The following GABRE variants were observed in gnomAD, a reference collection of about 807,000 sequenced individuals.
The protein encoded by GABRE is gamma-aminobutyric acid type A receptor subunit epsilon, also known as gamma-aminobutyric acid receptor subunit epsilon.
In GABRE, 20 loss-of-function variants were observed where a neutral mutation model predicts 31.0. That is an observed-to-expected ratio of 0.64 (90% CI 0.45 to 0.94). The LOEUF is 0.94. Ranked by LOEUF, GABRE falls within the 40% of genes least tolerant of loss-of-function variation. The pLI is 0.00. For synonymous variants in GABRE, 155 were observed against 150.6 expected, an observed-to-expected ratio of 1.03 and a Z score of -0.21; for missense variants, 420 against 410.7, an observed-to-expected ratio of 1.02 and a Z score of -0.20.
intron 6 of GABRE, chrX:151,957,283 C>T (rs1377390282): frequency 4.1e-6 from 1 of 241,966 alleles, no homozygotes; most frequent in Non-Finnish European, 7.7e-6. Context: ...TCGTACTCAC[C>T]TTGGCAGCAC....
intron 1 of GABRE, 61 bp downstream of exon 1, chrX:151,974,509 C>T: frequency 1.2e-6 from 1 of 858,954 alleles, no homozygotes; most frequent in Non-Finnish European, 1.6e-6. Flanking sequence ...GGAGCCGTCC[C>T]GGCTCCCGGG....
At chrX:151,969,571 T>C in intron 3 of GABRE, 98 bp downstream of exon 3, 3 of 801,582 alleles carry the variant, frequency 3.7e-6, no homozygotes, top group South Asian at 5.2e-5. Flanking sequence ...ATTATTGGAG[T>C]TGTTACAGAA....
At chrX:151,958,039 C>A (rs891006056) in intron 6 of GABRE, 3 of 120,846 alleles carry the variant, frequency 2.5e-5, no homozygotes, top group African/African-American at 6.4e-5. Context: ...CTAATGTAAC[C>A]TGGACAGTTC....
Position 151,973,016 on chromosome X carries a change from G to A in GABRE, c.56+1554C>T, listed in dbSNP as rs183077011. On this transcript the variant is annotated intron_variant, in intron 1 of 8. Coordinates refer to ENST00000370328, the MANE Select transcript of GABRE (RefSeq NM_004961.4). ...TGTGAGAAGTGGGGGGGGGAGGGGC[G>A]CATAAGAAAAGATGTTGGATTTTTT... Among the ~76,000 whole-genome samples the A allele has an allele frequency of 1.4e-3, 141 of 100,956 alleles. 1 individual carries two copies. Among genetic ancestry groups the A allele is most frequent in the Admixed American group, 6.8e-3 (62 of 9,057 alleles). 87.7% of individuals were successfully genotyped at this position (100,956 alleles called of 115,157 possible). A position where few individuals can be genotyped will look rare whatever the true frequency, so the allele number is the denominator to read the frequency against.
At chrX:151,961,508 C>A in intron 4 of GABRE, 143 bp from the exon 5 acceptor site, 1 of 448,718 alleles carries the variant, frequency 2.2e-6, no homozygotes, top group Admixed American at 3.9e-5. Context: ...CTCTGTCACC[C>A]AGGCTGGAGG....
Position 151,961,303 on chromosome X carries a change from C to A in GABRE, c.626G>T (p.Cys209Phe), listed in dbSNP as rs199709734. The A allele has an allele frequency of 2.0e-5, 24 of 1,204,356 alleles. No individual in the cohort carries two copies. In the East Asian group the frequency reaches 6.5e-4, roughly 33 times the overall value. ...CTCACAGCTAGAGAAAGATAGAGGG[C>A]AAGAGTGAGAATCCATTGGAAATCT... ...MLRFPMDSHS[C>F]PLSFSSFSYP... The change falls in exon 5 of 9, where the codon TGC becomes TTC. Residue 209 changes from cysteine to phenylalanine, a missense_variant. Physicochemically the swap from Cys to Phe is radical, Grantham distance 205. Coordinates refer to ENST00000370328, the MANE Select transcript of GABRE (RefSeq NM_004961.4).
rs369647109 is a variant in GABRE, at chrX:151,974,653, C to G, written c.-28G>C. ...CCGCGGAGACCGGCGCGACCACCTG[C>G]GCGGAGGTCGCGGCTCACGCTCTGG... On this transcript the variant is annotated 5_prime_UTR_variant, in exon 1 of 9. Transcript: ENST00000370328. The G allele has an allele frequency of 5.5e-6, 6 of 1,098,305 alleles. No individual in the cohort carries two copies. In the African/African-American group the frequency reaches 7.4e-5, roughly 14 times the overall value. 90.5% of individuals were successfully genotyped at this position (1,098,305 alleles called of 1,213,427 possible). A position where few individuals can be genotyped will look rare whatever the true frequency, so the allele number is the denominator to read the frequency against.
chrX:151,961,837 C>T (rs995097508), intron 4 of GABRE, among the ~76,000 whole-genome samples: 1 of 111,435 alleles, frequency 9.0e-6, no homozygotes, highest in African/African-American at 3.3e-5. Flanking sequence ...CAAAACAAAA[C>T]AAAACAAAAC....
intron 4 of GABRE, among the ~76,000 whole-genome samples, chrX:151,961,680 G>A (rs149995496): frequency 0.014 from 1,555 of 111,072 alleles, 31 homozygotes; most frequent in African/African-American, 0.048. Flanking sequence ...GGCTGGTCTC[G>A]AACTCCTGAC....
intron 1 of GABRE, chrX:151,972,408 G>A (rs757483642): frequency 1.2e-5 from 9 of 751,755 alleles, no homozygotes; most frequent in Admixed American, 8.9e-5. Flanking sequence ...GAGGAAAAAT[G>A]GAGCCCTGAG....
rs766386512 is a variant in GABRE, at chrX:151,955,719, C to T, written c.926G>A (p.Arg309Gln). 10 of 1,210,232 alleles carry T rather than the reference C, an allele frequency of 8.3e-6. No homozygotes were observed. The highest frequency in any genetic ancestry group is 3.0e-5 in the East Asian group (1 of 33,744). ...GTTTCTCCTCTTACCTAGAGAGGTCCGGGCTGGAGCAGACTCTGTCTTGAT... is the reference window on the plus strand; with the variant it reads ...GTTTCTCCTCTTACCTAGAGAGGTCTGGGCTGGAGCAGACTCTGTCTTGAT... ...FWIKTESAPARTSLGITSVLT... is the reference protein window; with the variant it reads ...FWIKTESAPAQTSLGITSVLT... Residue 309 changes from arginine to glutamine, a missense_variant, in exon 7 of 9, where the codon CGG (arginine) becomes CAG (glutamine). Physicochemically the swap from Arg to Gln is conservative, Grantham distance 43. Transcript: ENST00000370328.
chrX:151,967,130 G>A (rs778913128), intron 3 of GABRE, among the ~76,000 whole-genome samples: 4 of 111,580 alleles, frequency 3.6e-5, no homozygotes, highest in South Asian at 7.6e-4. Context: ...GCATCTTGGC[G>A]CCCCCTGCTC....
chrX:151,955,746 C>T lies in GABRE; in HGVS notation c.899G>A (p.Trp300Ter). ...VTTMLSWVSF[W>*]IKTESAPART... ...GGCTGGAGCAGACTCTGTCTTGATC[C>T]AAAAGGAAACCCAGGAGAGCATCGT... Residue 300 changes from tryptophan (W) to a stop codon, truncating the protein, a stop_gained, in exon 7 of 9, where the codon TGG becomes TAG. Transcript: ENST00000370328. LOFTEE classifies it high-confidence loss of function. The T allele has an allele frequency of 5.8e-6, 7 of 1,211,880 alleles. No individual in the cohort carries two copies. Among genetic ancestry groups the T allele is most frequent in the Non-Finnish European group, 7.8e-6 (7 of 895,550 alleles).
chrX:151,964,669 C>A (rs953899571), intron 3 of GABRE, among the ~76,000 whole-genome samples: 1 of 111,780 alleles, frequency 8.9e-6, no homozygotes, highest in Non-Finnish European at 1.9e-5. Context: ...TACAAGCACA[C>A]ACACCATTGA....
intron 1 of GABRE, chrX:151,971,445 G>C (rs1172139796): frequency 5.0e-6 from 1 of 199,242 alleles, no homozygotes; most frequent in African/African-American, 3.0e-5. Context: ...GGAGAGATTT[G>C]AACACTGAGT....
chrX:151,969,162 A>AGCAGTGCTGGGACTGCAGGAGGT (rs1934609885), intron 3 of GABRE, among the ~76,000 whole-genome samples: 1 of 111,786 alleles, frequency 8.9e-6, no homozygotes, highest in African/African-American at 3.3e-5. Context: ...GCATGTAGTA[A>AGCAGTGCTGGGACTGCAGGAGGT]GCAGTGCTGG....
intron 1 of GABRE, 99 bp downstream of exon 1, chrX:151,974,471 C>G: frequency 1.8e-6 from 1 of 565,468 alleles, no homozygotes; most frequent in Non-Finnish European, 2.7e-6. Flanking sequence ...GCGCGGGGCT[C>G]GAGGAACGCG....
intron 1 of GABRE, chrX:151,971,973 CT>C: frequency 1.5e-6 from 1 of 675,055 alleles, no homozygotes; most frequent in African/African-American, 2.4e-5. Flanking sequence ...GGCCTGTTTA[CT>C]TGTGAAAAGC....
Position 151,955,021 on chromosome X carries a change from G to A in GABRE, c.1201C>T (p.His401Tyr), listed in dbSNP as rs1223531362. 4.1e-6 allele frequency: 5 copies of A among 1,205,603 alleles called. No individual in the cohort carries two copies. The highest frequency in any genetic ancestry group is 5.6e-6 in the Non-Finnish European group (5 of 892,502). The change falls in exon 9 of 9, where the codon CAT (histidine) becomes TAT (tyrosine). Residue 401 changes from histidine to tyrosine, a missense_variant. Coordinates refer to ENST00000370328, the MANE Select transcript of GABRE (RefSeq NM_004961.4). ...RARSRACARQHQEAFVCQIVT... is the reference protein window; with the variant it reads ...RARSRACARQYQEAFVCQIVT... ...ATCTGGCACACAAAAGCTTCCTGAT[G>A]TTGGCGGGCACAGGCTCGGGAACGT... is the stretch of plus-strand genomic sequence containing the variant.
Sources: gnomAD v4.1 joint callset for allele counts (sites outside exome capture counted in the v4.1 genomes callset) on GRCh38, gnomAD v4.1.1 for gene constraint, MANE v1.5 for transcripts, NCBI Gene and HGNC (gene_info 2026-07-23, HGNC 2026-07-21) for gene names.